CNGA4: variants seen among roughly 807,000 people sequenced by gnomAD.
The protein encoded by CNGA4 is cyclic nucleotide gated channel subunit alpha 4.
In CNGA4, 32 loss-of-function variants were observed where a neutral mutation model predicts 45.6. The ratio of observed to expected loss-of-function variants is 0.70; its 90% CI spans 0.53 to 0.94. The LOEUF (loss-of-function observed/expected upper bound fraction) is 0.94, where lower values mean the gene tolerates loss of function less well. Ranked by LOEUF, CNGA4 falls within the 40% of genes least tolerant of loss-of-function variation. The pLI, the probability that CNGA4 is intolerant of heterozygous loss-of-function variation, is 0.00. For missense variants in CNGA4, 726 were observed against 755.1 expected (o/e 0.96, Z 0.45); for synonymous variants, 293 against 304.6 (o/e 0.96, Z 0.40).
chr11:6,241,437 G>A lies in CNGA4; in HGVS notation c.924G>A (p.Gln308=). Residue 308 remains glutamine, a synonymous_variant, in exon 5 of 6, where the codon CAG becomes CAA. Coordinates refer to ENST00000379936, the MANE Select transcript of CNGA4 (RefSeq NM_001037329.4). ...GCACTGTCCTTACTCTCAGGTATCAGCACCTGCAGATCAACAAGAAGATGA... is the reference window on the plus strand; with the variant it reads ...GCACTGTCCTTACTCTCAGGTATCAACACCTGCAGATCAACAAGAAGATGA... ...KLERRVIDWY[Q]HLQINKKMTN... is the part of the protein sequence containing the mutation. 1 of 1,577,528 alleles carries A rather than the reference G, an allele frequency of 6.3e-7. No homozygotes were observed. The highest frequency in any genetic ancestry group is 8.6e-7 in the Non-Finnish European group (1 of 1,158,482).
At chr11:6,242,432 C>A (rs1847932045) in intron 5 of CNGA4, among the ~76,000 whole-genome samples, 1 of 152,080 alleles carries the variant, frequency 6.6e-6, no homozygotes, top group Non-Finnish European at 1.5e-5. Context: ...ATTGTTATGC[C>A]TAATCACAGG....
rs778221498 is a variant in CNGA4 at position 6,243,969 on chromosome 11, C to T, written c.1288C>T (p.Arg430Cys). 6.2e-6 allele frequency: 10 copies of T among 1,613,682 alleles called. No homozygotes were observed. Among genetic ancestry groups the T allele is most frequent in the South Asian group, 1.1e-5 (1 of 91,068 alleles). Residue 430 changes from arginine to cysteine, a missense_variant, in exon 6 of 6, where the codon CGC becomes TGC. Physicochemically the swap from Arg to Cys is radical, Grantham distance 180 (BLOSUM62 -3). Coordinates refer to ENST00000379936, the MANE Select transcript of CNGA4 (RefSeq NM_001037329.4). The part of the protein sequence containing the change: ...NIKGNMSGNR[R>C]TANIKSLGYS... ...CACAGGGAACATGTCTGGGAACCGC[C>T]GCACAGCCAACATCAAGAGCCTAGG...
chr11:6,240,762 A>T lies in CNGA4; in HGVS notation c.917+51A>T, dbSNP rs1847906936. The T allele has an allele frequency of 1.3e-6, 2 of 1,570,660 alleles. No homozygotes were observed. The highest frequency in any genetic ancestry group is 1.7e-5 in the Admixed American group (1 of 57,548). On this transcript the variant is annotated intron_variant, in intron 4 of 5. Coordinates refer to ENST00000379936, the MANE Select transcript of CNGA4 (RefSeq NM_001037329.4). The surrounding 1 kb of genome is among the most constrained non-coding windows in gnomAD (Gnocchi z 4.9). ...GACAGGGACCAGTGTAGGTGATGGAACCTGAGGGAGGTAACTGGGTCCTTA... is the reference window on the plus strand; with the variant it reads ...GACAGGGACCAGTGTAGGTGATGGATCCTGAGGGAGGTAACTGGGTCCTTA...
chr11:6,243,842 G>A, intron 5 of CNGA4, 107 bp from the exon 6 acceptor site: 4 of 984,018 alleles, frequency 4.1e-6, no homozygotes, highest in Non-Finnish European at 4.5e-6. Flanking sequence ...GGCAGAAGGA[G>A]AGGCTCAGAA....
Position 6,244,207 on chromosome 11 carries a change from C to G in CNGA4, c.1526C>G (p.Thr509Ser). 6.2e-7 allele frequency: 1 copy of G among 1,614,224 alleles called. No individual in the cohort carries two copies. Among genetic ancestry groups the G allele is most frequent in the Non-Finnish European group, 8.5e-7 (1 of 1,180,040 alleles). ...GLDQQLDDLQ[T>S]KFARLLAELE... is the part of the protein sequence containing the mutation. ...GACCAGCAGCTGGATGATCTACAGA[C>G]CAAGTTTGCTCGCCTCCTGGCTGAG... The change falls in exon 6 of 6, where the codon ACC becomes AGC. Residue 509 changes from threonine (T) to serine (S), a missense_variant. Coordinates refer to ENST00000379936, the MANE Select transcript of CNGA4 (RefSeq NM_001037329.4). The surrounding 1 kb of genome is among the most constrained non-coding windows in gnomAD (Gnocchi z 4.5).
Position 6,241,774 on chromosome 11 carries a change from A to C in CNGA4, c.1261A>C (p.Ile421Leu), listed in dbSNP as rs780539550. The C allele has an allele frequency of 3.5e-5, 56 of 1,613,786 alleles. No individual in the cohort carries two copies. The Admixed American group carries it at 9.3e-4, about 27-fold the overall frequency. ...LYFGEISIIN[I>L]KGNMSGNRRT... The stretch of plus-strand genomic sequence containing the variant: ...CTTTGGGGAGATCAGCATCATCAAC[A>C]TCAAAGGTGGGTATCCCAGTATTTG... Residue 421 changes from isoleucine to leucine, a missense_variant, in exon 5 of 6, where the codon ATC becomes CTC. Transcript: ENST00000379936.
chr11:6,242,141 A>G (rs1359111517), intron 5 of CNGA4: 1 of 420,052 alleles, frequency 2.4e-6, no homozygotes, highest in African/African-American at 2.0e-5. Context: ...GCTTCACATG[A>G]TATTAACTCA....
rs796428590 is a variant in CNGA4 at position 6,244,264 on chromosome 11, G to T, written c.1583G>T (p.Arg528Leu). 5 of 1,614,042 alleles carry T rather than the reference G, an allele frequency of 3.1e-6. No individual in the cohort carries two copies. Among genetic ancestry groups the T allele is most frequent in the Admixed American group, 1.7e-5 (1 of 60,000 alleles). ...TCCAGCGCACTTAAGATTGCTTACC[G>T]CATTGAACGGCTGGAGTGGCAGACT... ...LESSALKIAY[R>L]IERLEWQTRE... The change falls in exon 6 of 6, where the codon CGC becomes CTC. Residue 528 changes from arginine (R) to leucine (L), a missense_variant. Transcript: ENST00000379936. The surrounding 1 kb of genome is among the most constrained non-coding windows in gnomAD (Gnocchi z 4.5).
rs538955568 is a variant in CNGA4, at chr11:6,239,799, G to A, written c.271+9G>A. Reference sequence around the variant, plus strand: ...GGTGCGCTTCCACACAGGTCAGTGGGCTTCTAGGAATGACCCTTTGTCCCA... The same window carrying A: ...GGTGCGCTTCCACACAGGTCAGTGGACTTCTAGGAATGACCCTTTGTCCCA... On this transcript the variant is annotated intron_variant, in intron 3 of 5. Transcript: ENST00000379936. 8 of 1,608,986 alleles carry A rather than the reference G, an allele frequency of 5.0e-6. No homozygotes were observed. The highest frequency in any genetic ancestry group is 1.3e-5 in the African/African-American group (1 of 74,934).
At chr11:6,238,428 G>T (rs1282457079), upstream of CNGA4, among the ~76,000 whole-genome samples, 1 of 152,182 alleles carries the variant, frequency 6.6e-6, no homozygotes, top group East Asian at 1.9e-4. Context: ...AAATTGTAGG[G>T]TTTTTGTTTG....
chr11:6,236,860 G>A (rs1048161983), upstream of CNGA4, among the ~76,000 whole-genome samples: 1 of 152,216 alleles, frequency 6.6e-6, no homozygotes, highest in African/African-American at 2.4e-5. Context: ...GAATTTGGAC[G>A]AGATGCAACA....
upstream of CNGA4, among the ~76,000 whole-genome samples, chr11:6,237,922 T>C (rs1034359417): frequency 4.6e-5 from 7 of 152,364 alleles, no homozygotes; most frequent in African/African-American, 1.7e-4. Context: ...AGCTGGCCTC[T>C]GTCTATCATT....
At chr11:6,239,607 A>G in intron 2 of CNGA4, 77 bp from the exon 3 acceptor site, 1 of 1,557,538 alleles carries the variant, frequency 6.4e-7, no homozygotes, top group African/African-American at 1.4e-5. Context: ...CCTGAGGCAG[A>G]GGGTTAAGGG....
chr11:6,241,956 CCT>C, intron 5 of CNGA4, 176 bp downstream of exon 5: 1 of 616,766 alleles, frequency 1.6e-6, no homozygotes. Context: ...GGATCCATTC[CCT>C]GAGAAGAAGC....
chr11:6,244,660 T>C (rs1380731621), downstream of CNGA4, among the ~76,000 whole-genome samples: 1 of 151,406 alleles, frequency 6.6e-6, no homozygotes, highest in African/African-American at 2.4e-5. The surrounding 1 kb of genome is among the most constrained non-coding windows in gnomAD (Gnocchi z 4.5). Context: ...GCCCCAAGAC[T>C]GTGCATTCCA....
downstream of CNGA4, among the ~76,000 whole-genome samples, chr11:6,244,770 G>A (rs1847970314): frequency 6.6e-6 from 1 of 152,096 alleles, no homozygotes; most frequent in South Asian, 2.1e-4. This position sits in a 1 kb window ranked among gnomAD's most constrained non-coding sequence, Gnocchi z 4.5. Flanking sequence ...TACACATTCA[G>A]TCATGCACCT....
At chr11:6,241,990 G>T (rs1263113158) in intron 5 of CNGA4, 3 of 589,556 alleles carry the variant, frequency 5.1e-6, no homozygotes, top group Non-Finnish European at 9.1e-6. Context: ...CAGTGAACAG[G>T]GTGGGTTCGT....
chr11:6,235,026 A>C (rs325701), upstream of CNGA4, among the ~76,000 whole-genome samples: 6,531 of 152,294 alleles, frequency 0.043, 421 homozygotes, highest in African/African-American at 0.14. Flanking sequence ...AAAGATCAGA[A>C]GGGCGGGGCT....
upstream of CNGA4, chr11:6,235,400 C>A (rs550641052): frequency 1.2e-6 from 1 of 856,636 alleles, no homozygotes; most frequent in African/African-American, 1.8e-5. Context: ...CAATTAGAAC[C>A]GGCCTCTGCT....
Sources: gnomAD v4.1 joint callset for allele counts (sites outside exome capture counted in the v4.1 genomes callset) on GRCh38, gnomAD v4.1.1 for gene constraint, Gnocchi (gnomAD v3.1) non-coding constraint, MANE v1.5 for transcripts, NCBI Gene and HGNC (gene_info 2026-07-23, HGNC 2026-07-21) for gene names.